GRWD1: variants seen among roughly 807,000 people sequenced by gnomAD.
GRWD1 encodes the protein glutamate rich WD repeat containing 1.
In GRWD1, 29 loss-of-function variants were observed where a neutral mutation model predicts 45.3. The ratio of observed to expected loss-of-function variants is 0.64; its 90% CI spans 0.48 to 0.87. The LOEUF is 0.87. Among genes scored for constraint, GRWD1 ranks in the 40% least tolerant of loss-of-function variants. The probability of loss-of-function intolerance (pLI) is 0.00; values close to 1 mark genes in which losing one functional copy is unlikely to be tolerated. For missense variants in GRWD1, 592 were observed against 618.8 expected (o/e 0.96, Z 0.46); for synonymous variants, 262 against 257.6 (o/e 1.02, Z -0.16).
intron 3 of GRWD1, among the ~76,000 whole-genome samples, chr19:48,448,276 T>G (rs1971433935): frequency 6.6e-6 from 1 of 152,186 alleles, no homozygotes; most frequent in South Asian, 2.1e-4. Flanking sequence ...GCTTCAAAGC[T>G]AAAACATCTT....
intron 6 of GRWD1, among the ~76,000 whole-genome samples, chr19:48,451,445 C>A (rs978585090): frequency 3.2e-4 from 48 of 152,226 alleles, no homozygotes; most frequent in African/African-American, 1.2e-3. Context: ...CTCACTCTAC[C>A]AGGGGAACAG....
At position 48,450,249 on chromosome 19, in the gene GRWD1, G is replaced by T; in HGVS notation, c.469-64G>T. The T allele has an allele frequency of 7.7e-7, 1 of 1,301,334 alleles. No homozygotes were observed. Among genetic ancestry groups the T allele is most frequent in the African/African-American group, 1.5e-5 (1 of 68,422 alleles). 80.6% of individuals were successfully genotyped at this position (1,301,334 alleles called of 1,614,324 possible). On this transcript the variant is annotated intron_variant, in intron 3 of 6. Coordinates refer to ENST00000253237, the MANE Select transcript of GRWD1 (RefSeq NM_031485.4). The surrounding 1 kb of genome is among the most constrained non-coding windows in gnomAD (Gnocchi z 5.1). The stretch of plus-strand genomic sequence containing the variant: ...TTCTCTGGGATATGGGGAGCGTGGG[G>T]TCAGTGCCTTGATCCTCCTCTCCCC...
intron 3 of GRWD1, among the ~76,000 whole-genome samples, chr19:48,447,918 T>G (rs957669099): frequency 1.6e-4 from 25 of 152,186 alleles, no homozygotes; most frequent in African/African-American, 5.3e-4. Flanking sequence ...GTATGTATTT[T>G]CTGTTACTAT....
rs1223751508 is a variant in GRWD1 at position 48,450,610 on chromosome 19, A to T, written c.683-56A>T. ...GGGGCCGGGCGCTTAGACTCCAAGG[A>T]GGGGAGCGAGCTGCGGCCAGGTGGG... On this transcript the variant is annotated intron_variant, in intron 4 of 6. Transcript: ENST00000253237. The surrounding 1 kb of genome is among the most constrained non-coding windows in gnomAD (Gnocchi z 5.1). 3 of 1,609,738 alleles carry T rather than the reference A, an allele frequency of 1.9e-6. No individual in the cohort carries two copies. Among genetic ancestry groups the T allele is most frequent in the African/African-American group, 1.3e-5 (1 of 74,766 alleles).
intron 2 of GRWD1, 21 bp from the exon 3 acceptor site, chr19:48,446,660 T>A (rs1971406434): frequency 6.4e-7 from 1 of 1,568,174 alleles, no homozygotes; most frequent in Non-Finnish European, 8.7e-7. Context: ...AGTGCCTAAC[T>A]CACCCCACAA....
Position 48,454,657 on chromosome 19 carries a change from CT to C in GRWD1, c.*1633del, listed in dbSNP as rs1198188854. The C allele has an allele frequency of 6.6e-6, 1 of 152,376 alleles. No homozygotes were observed. Among genetic ancestry groups the C allele is most frequent in the African/African-American group, 2.4e-5 (1 of 41,384 alleles). The allele number at this position is 152,376 out of a possible 1,614,324, so 9.4% of individuals were successfully genotyped here. A position where few individuals can be genotyped will look rare whatever the true frequency, so the allele number is the denominator to read the frequency against. ...TCTGCTGCGTCGCCCCCATCCACCC[CT>C]GCCCCAGCATCCCTGTCCTCAGCTT... On this transcript the variant is annotated 3_prime_UTR_variant, in exon 7 of 7. Transcript: ENST00000253237.
rs200480479 is a variant in GRWD1 at position 48,446,784 on chromosome 19, C to G, written c.409C>G (p.Arg137Gly). The change falls in exon 3 of 7, where the codon CGG becomes GGG. Residue 137 changes from arginine to glycine, a missense_variant. Coordinates refer to ENST00000253237, the MANE Select transcript of GRWD1 (RefSeq NM_031485.4). ...GGAAGATGAAGAGGATGAAGAAGAG[C>G]GGAAACCTCAGCTGGAGCTGGCCAT... ...EEEDEEDEEERKPQLELAMVP... is the reference protein window; with the variant it reads ...EEEDEEDEEEGKPQLELAMVP... 10 of 1,614,100 alleles carry G rather than the reference C, an allele frequency of 6.2e-6. No homozygotes were observed. Among genetic ancestry groups the G allele is most frequent in the Non-Finnish European group, 8.5e-6 (10 of 1,180,024 alleles).
Position 48,446,655 on chromosome 19 carries a change from C to T in GRWD1, c.306-26C>T, listed in dbSNP as rs755737651. 1.7e-5 allele frequency: 27 copies of T among 1,564,816 alleles called. 1 individual carries two copies. The highest frequency in any genetic ancestry group is 2.3e-5 in the Non-Finnish European group (27 of 1,154,034). ...TCCTAAGAATCCTGGAATCTAGTGC[C>T]TAACTCACCCCACAATTTCTCCCAG... is the stretch of plus-strand genomic sequence containing the variant. On this transcript the variant is annotated intron_variant, in intron 2 of 6. Transcript: ENST00000253237.
At position 48,450,546 on chromosome 19, in the gene GRWD1, A is replaced by C. The variant is rs758992010; in HGVS notation, c.682+20A>C. 7.4e-6 allele frequency: 12 copies of C among 1,613,212 alleles called. No homozygotes were observed. Among genetic ancestry groups the C allele is most frequent in the Non-Finnish European group, 1.0e-5 (12 of 1,179,484 alleles). On this transcript the variant is annotated intron_variant, in intron 4 of 6. Transcript: ENST00000253237. The surrounding 1 kb of genome is among the most constrained non-coding windows in gnomAD (Gnocchi z 5.1). The stretch of plus-strand genomic sequence containing the variant: ...TGACCGGTGAGTCCCTGGGGTGTTC[A>C]GGAGTCCCGGGAGGTCGGGGGAGCA...
Position 48,450,180 on chromosome 19 carries a change from G to A in GRWD1, c.469-133G>A. 1.4e-6 allele frequency: 1 copy of A among 694,368 alleles called. No individual in the cohort carries two copies. Among genetic ancestry groups the A allele is most frequent in the African/African-American group, 1.8e-5 (1 of 56,446 alleles). 43.0% of individuals were successfully genotyped at this position (694,368 alleles called of 1,614,324 possible). A position where few individuals can be genotyped will look rare whatever the true frequency, so the allele number is the denominator to read the frequency against. On this transcript the variant is annotated intron_variant, in intron 3 of 6. Transcript: ENST00000253237. This position sits in a 1 kb window ranked among gnomAD's most constrained non-coding sequence, Gnocchi z 5.1. Reference sequence around the variant, plus strand: ...TTTCTTCCCACAGAGGTTTCAAGGAGCTGTAGTCCCAGGCCTGGGAGATCT... The same window carrying A: ...TTTCTTCCCACAGAGGTTTCAAGGAACTGTAGTCCCAGGCCTGGGAGATCT...
chr19:48,447,892 C>T (rs1396544420), intron 3 of GRWD1, among the ~76,000 whole-genome samples: 1 of 152,042 alleles, frequency 6.6e-6, no homozygotes, highest in Non-Finnish European at 1.5e-5. Flanking sequence ...AGAATAGCAC[C>T]TGGTTGTAAT....
chr19:48,447,852 T>A (rs1333811418), intron 3 of GRWD1, among the ~76,000 whole-genome samples: 3 of 152,224 alleles, frequency 2.0e-5, no homozygotes, highest in African/African-American at 7.2e-5. Context: ...GGGGCTGGCA[T>A]GAGGTCAAAT....
intron 1 of GRWD1, 85 bp from the exon 2 acceptor site, chr19:48,446,300 C>A: frequency 6.4e-7 from 1 of 1,554,236 alleles, no homozygotes; most frequent in South Asian, 1.1e-5. Context: ...TGATTTCATA[C>A]CGGAGGCGGT....
chr19:48,450,458 A>G lies in GRWD1; in HGVS notation c.614A>G (p.Lys205Arg). 2 of 1,614,110 alleles carry G rather than the reference A, an allele frequency of 1.2e-6. No homozygotes were observed. Among genetic ancestry groups the G allele is most frequent in the Non-Finnish European group, 1.7e-6 (2 of 1,180,018 alleles). ...CTCCGGGATGAGCAGGCCCAAATGAAGCCCATCTTCTCCTTCGCTGGACAC... is the reference window on the plus strand; with the variant it reads ...CTCCGGGATGAGCAGGCCCAAATGAGGCCCATCTTCTCCTTCGCTGGACAC... ...AFLRDEQAQM[K>R]PIFSFAGHMG... Residue 205 changes from lysine (K) to arginine (R), a missense_variant, in exon 4 of 7, where the codon AAG becomes AGG. Coordinates refer to ENST00000253237, the MANE Select transcript of GRWD1 (RefSeq NM_031485.4). The surrounding 1 kb of genome is among the most constrained non-coding windows in gnomAD (Gnocchi z 5.1).
In GRWD1 at chr19:48,451,088, G is replaced by C. The variant is rs1160790405; in HGVS notation, c.880G>C (p.Ala294Pro). 5 of 1,614,090 alleles carry C rather than the reference G, an allele frequency of 3.1e-6. No individual in the cohort carries two copies. Residue 294 changes from alanine (A) to proline (P), a missense_variant, in exon 6 of 7, where the codon GCC (alanine) becomes CCC (proline). Transcript: ENST00000253237. ...ASIRIWDIRA[A>P]PSKACMLTTA... ...CATCCGCATCTGGGACATCCGGGCAGCCCCCAGCAAGGCCTGCATGCTCAC... is the reference window on the plus strand; with the variant it reads ...CATCCGCATCTGGGACATCCGGGCACCCCCCAGCAAGGCCTGCATGCTCAC...
At position 48,450,364 on chromosome 19, in the gene GRWD1, C is replaced by T; in HGVS notation, c.520C>T (p.Gln174Ter). ...GGCTGGGGTGTGGTCAGAGAAGGGC[C>T]AGGTGGAGGTGTTTGCGCTGCGGCG... ...PVAGVWSEKG[Q>*]VEVFALRRLL... Residue 174 changes from glutamine to a stop codon, truncating the protein, a stop_gained, in exon 4 of 7, where the codon CAG becomes TAG. Transcript: ENST00000253237. LOFTEE classifies it high-confidence loss of function. The surrounding 1 kb of genome is among the most constrained non-coding windows in gnomAD (Gnocchi z 5.1). 1 of 1,613,374 alleles carries T rather than the reference C, an allele frequency of 6.2e-7. No homozygotes were observed. The highest frequency in any genetic ancestry group is 8.5e-7 in the Non-Finnish European group (1 of 1,179,894).
rs377706027 is a variant in GRWD1, at chr19:48,446,032, C to T, written c.27C>T (p.Arg9=). 33 of 1,594,888 alleles carry T rather than the reference C, an allele frequency of 2.1e-5. No homozygotes were observed. In the African/African-American group the frequency reaches 3.7e-4, roughly 18 times the overall value. The change falls in exon 1 of 7, where the codon CGC becomes CGT. Residue 9 remains arginine (R), a synonymous_variant. Coordinates refer to ENST00000253237, the MANE Select transcript of GRWD1 (RefSeq NM_031485.4). ...TGGCGGCGCGCAAGGGTCGGCGGCG[C>T]ACGTGTGAAACCGGGGAACCCATGG... MAARKGRR[R]TCETGEPMEA...
chr19:48,446,870 T>A, intron 3 of GRWD1, 27 bp downstream of exon 3: 1 of 1,602,386 alleles, frequency 6.2e-7, no homozygotes, highest in Non-Finnish European at 8.5e-7. Context: ...GAGCCTGCTC[T>A]GCATACTCTG....
chr19:48,453,288 A>G lies in GRWD1; in HGVS notation c.*263A>G. On this transcript the variant is annotated 3_prime_UTR_variant, in exon 7 of 7. Transcript: ENST00000253237. ...TGGCCTGGTGTGGCCTGTGTGTCGG[A>G]TTCCTTCCTGTCAGCTGTGACCCAT... The G allele has an allele frequency of 2.5e-6, 1 of 405,372 alleles. No individual in the cohort carries two copies. Among genetic ancestry groups the G allele is most frequent in the South Asian group, 5.9e-5 (1 of 16,962 alleles). 25.1% of individuals were successfully genotyped at this position (405,372 alleles called of 1,614,324 possible). A position where few individuals can be genotyped will look rare whatever the true frequency, so the allele number is the denominator to read the frequency against.
Sources: gnomAD v4.1 joint callset for allele counts (sites outside exome capture counted in the v4.1 genomes callset) on GRCh38, gnomAD v4.1.1 for gene constraint, Gnocchi (gnomAD v3.1) non-coding constraint, MANE v1.5 for transcripts, NCBI Gene and HGNC (gene_info 2026-07-23, HGNC 2026-07-21) for gene names.